Variants in AFAP1L2 observed in about 807,000 individuals in gnomAD.
The protein encoded by AFAP1L2 is actin filament-associated protein 1-like 2.
In AFAP1L2, 46 loss-of-function variants were observed where a neutral mutation model predicts 99.3. The ratio of observed to expected loss-of-function variants is 0.46; its 90% confidence interval spans 0.37 to 0.59. The LOEUF is 0.59. Ranked by LOEUF, AFAP1L2 falls within the 20% of genes least tolerant of loss-of-function variation. The probability of loss-of-function intolerance (pLI) is 0.00; values close to 1 mark genes in which losing one functional copy is unlikely to be tolerated. For missense variants in AFAP1L2, 959 were observed against 1,034.9 expected, an observed-to-expected ratio of 0.93 and a Z score of 1.01; for synonymous variants, 397 against 419.1, an observed-to-expected ratio of 0.95 and a Z score of 0.64.
At chr10:114,372,049 A>G (rs1052929461) in intron 1 of AFAP1L2, among the ~76,000 whole-genome samples, 3 of 152,244 alleles carry the variant, frequency 2.0e-5, no homozygotes, top group Non-Finnish European at 4.4e-5. Context: ...TTGCAGAGAC[A>G]GCAACAACAA....
At chr10:114,321,222 T>C (rs925988292) in intron 5 of AFAP1L2, among the ~76,000 whole-genome samples, 3 of 152,206 alleles carry the variant, frequency 2.0e-5, no homozygotes, top group African/African-American at 7.2e-5. Flanking sequence ...TGGTGTACAC[T>C]GTACCGAATA....
chr10:114,380,241 T>C (rs1472320405), intron 1 of AFAP1L2, among the ~76,000 whole-genome samples: 5 of 152,206 alleles, frequency 3.3e-5, no homozygotes, highest in Non-Finnish European at 2.9e-5. Context: ...AATGGAATTT[T>C]CCACCACACT....
intron 16 of AFAP1L2, among the ~76,000 whole-genome samples, chr10:114,298,355 G>T (rs567842829): frequency 6.6e-6 from 1 of 152,278 alleles, no homozygotes; most frequent in Admixed American, 6.5e-5. Context: ...TCCAGCCTGG[G>T]CAACAGAGCA....
intron 1 of AFAP1L2, among the ~76,000 whole-genome samples, chr10:114,386,309 G>T (rs1434134090): frequency 6.6e-6 from 1 of 152,164 alleles, no homozygotes; most frequent in Non-Finnish European, 1.5e-5. Flanking sequence ...GTCGAGGTGG[G>T]AGGATCGCTT....
rs1444170586 is a variant in AFAP1L2 at position 114,342,507 on chromosome 10, G to A, written c.17-1776C>T. ...CGTGGCAAAGGGACTTCACAGATGT[G>A]ATTTAATGAGGAGATTATCCTGGTT... On this transcript the variant is annotated intron_variant, in intron 1 of 18. Transcript: ENST00000304129. Among the ~76,000 whole-genome samples the A allele has an allele frequency of 2.0e-5, 3 of 152,228 alleles. No individual in the cohort carries two copies. The East Asian group carries it at 5.8e-4, about 29-fold the overall frequency.
the AFAP1L2 span, chr10:114,289,443 C>G: frequency 1.2e-6 from 2 of 1,614,172 alleles, no homozygotes; most frequent in Non-Finnish European, 1.7e-6. Context: ...CAGCTTACGC[C>G]GACCTGCGGT....
In AFAP1L2 at chr10:114,297,322, G is replaced by A. The variant is rs767433668; in HGVS notation, c.2205C>T (p.Leu735=). Residue 735 remains leucine (L), a synonymous_variant, in exon 17 of 19, where the codon CTC becomes CTT. Transcript: ENST00000304129. Reference sequence around the variant, plus strand: ...GGTTGTCCTTCACCTCCATGATGCTGAGCTCCAGGTCCACGCGCCTGCTCT... The same window carrying A: ...GGTTGTCCTTCACCTCCATGATGCTAAGCTCCAGGTCCACGCGCCTGCTCT... ...GEESRRVDLE[L]SIMEVKDNLK... 1 of 1,613,946 alleles carries A rather than the reference G, an allele frequency of 6.2e-7. No homozygotes were observed. The highest frequency in any genetic ancestry group is 1.3e-5 in the African/African-American group (1 of 75,046).
chr10:114,287,327 C>T, the AFAP1L2 span, among the ~76,000 whole-genome samples: 1 of 152,112 alleles, frequency 6.6e-6, no homozygotes, highest in Non-Finnish European at 1.5e-5. Flanking sequence ...ACTACAGGTG[C>T]ACACCACCAT....
At chr10:114,285,644 G>C in the AFAP1L2 span, among the ~76,000 whole-genome samples, 2 of 152,208 alleles carry the variant, frequency 1.3e-5, no homozygotes, top group Non-Finnish European at 2.9e-5. Flanking sequence ...TCATGATCTT[G>C]AGGCAGACAA....
At chr10:114,365,425 T>C (rs960464569) in intron 1 of AFAP1L2, among the ~76,000 whole-genome samples, 8 of 152,356 alleles carry the variant, frequency 5.3e-5, no homozygotes, top group African/African-American at 1.9e-4. Flanking sequence ...ATGTTTCAAA[T>C]AATTTTTTTA....
At chr10:114,379,886 G>A (rs1590733362) in intron 1 of AFAP1L2, among the ~76,000 whole-genome samples, 1 of 152,330 alleles carries the variant, frequency 6.6e-6, no homozygotes, top group East Asian at 1.9e-4. Context: ...GTCAAAGACT[G>A]GGTCTGCCTG....
At chr10:114,376,654 G>C (rs993591491) in intron 1 of AFAP1L2, among the ~76,000 whole-genome samples, 3 of 152,126 alleles carry the variant, frequency 2.0e-5, no homozygotes, top group African/African-American at 7.2e-5. Flanking sequence ...AAGCCACAAG[G>C]AAGAGCATTT....
intron 1 of AFAP1L2, among the ~76,000 whole-genome samples, chr10:114,394,140 G>C (rs979716790): frequency 6.6e-6 from 1 of 152,088 alleles, no homozygotes. Context: ...GCACTGTGCC[G>C]GGGGGACGAC....
chr10:114,386,006 GC>G (rs1260492476), intron 1 of AFAP1L2, among the ~76,000 whole-genome samples: 1 of 151,900 alleles, frequency 6.6e-6, no homozygotes, highest in Admixed American at 6.6e-5. Context: ...GGAACGAGAA[GC>G]CAGGGAGCAC....
intron 1 of AFAP1L2, among the ~76,000 whole-genome samples, chr10:114,353,941 G>A (rs996744964): frequency 6.6e-6 from 1 of 152,192 alleles, no homozygotes; most frequent in Non-Finnish European, 1.5e-5. Context: ...TGTAAAGAAA[G>A]ACCTTCACTT....
At chr10:114,394,039 G>A (rs1565089098) in intron 1 of AFAP1L2, among the ~76,000 whole-genome samples, 1 of 152,144 alleles carries the variant, frequency 6.6e-6, no homozygotes, top group Non-Finnish European at 1.5e-5. Context: ...CTACCCCTTG[G>A]TGGTCAGCGA....
In AFAP1L2 at chr10:114,351,957, G is replaced by A. The variant is rs2050573044; in HGVS notation, c.17-11226C>T. ...TGGGGAGCTTAATGAGCCTCTCTAT[G>A]CTTCAGTTTCCTGGTGTGTAAAATA... On this transcript the variant is annotated intron_variant, in intron 1 of 18. Coordinates refer to ENST00000304129, the MANE Select transcript of AFAP1L2 (RefSeq NM_001001936.3). 4.6e-5 allele frequency among the ~76,000 whole-genome samples: 7 copies of A among 152,196 alleles called. No homozygotes were observed. The South Asian group carries it at 1.5e-3, about 32-fold the overall frequency.
intron 1 of AFAP1L2, among the ~76,000 whole-genome samples, chr10:114,378,599 G>T (rs1565038714): frequency 6.6e-6 from 1 of 152,188 alleles, no homozygotes; most frequent in Non-Finnish European, 1.5e-5. Context: ...TTCTGCAGTG[G>T]TATCTCGCTT....
Position 114,304,784 on chromosome 10 carries a change from G to T in AFAP1L2, c.1219C>A (p.Pro407Thr). The T allele has an allele frequency of 6.2e-7, 1 of 1,613,174 alleles. No homozygotes were observed. The highest frequency in any genetic ancestry group is 8.5e-7 in the Non-Finnish European group (1 of 1,179,986). The part of the protein sequence containing the change: ...SLVGCEVVPD[P>T]SPDHLYSFRI... ...AAGGAGTAGAGGTGGTCGGGGCTGG[G>T]GTCTGGGACCACCTCGCAGCCCACC... is the stretch of plus-strand genomic sequence containing the variant. The change falls in exon 11 of 19, where the codon CCC becomes ACC. Residue 407 changes from proline (P) to threonine (T), a missense_variant. By Grantham distance (38) the Pro-to-Thr change is conservative. Coordinates refer to ENST00000304129, the MANE Select transcript of AFAP1L2 (RefSeq NM_001001936.3).
Sources: gnomAD v4.1 joint callset for allele counts (sites outside exome capture counted in the v4.1 genomes callset) on GRCh38, gnomAD v4.1.1 for gene constraint, MANE v1.5 for transcripts, NCBI Gene and HGNC (gene_info 2026-07-23, HGNC 2026-07-21) for gene names.